SEMA5B: variants seen among roughly 807,000 people sequenced by gnomAD.
SEMA5B encodes semaphorin-5B.
Under a neutral mutation model 135.0 loss-of-function variants are expected in SEMA5B, and 66 were observed. The observed-to-expected ratio is 0.49, with a 90% confidence interval of 0.40 to 0.60. SEMA5B has a LOEUF of 0.60. Ranked by LOEUF, SEMA5B falls within the 20% of genes least tolerant of loss-of-function variation. SEMA5B has a pLI of 0.00. For missense variants in SEMA5B, 1,501 were observed against 1,566.3 expected (o/e 0.96, Z 0.70); for synonymous variants, 690 against 639.5 (o/e 1.08, Z -1.19).
intron 1 of SEMA5B, among the ~76,000 whole-genome samples, chr3:122,969,643 C>T (rs1941027473): frequency 6.6e-6 from 1 of 152,206 alleles, no homozygotes; most frequent in Non-Finnish European, 1.5e-5. Context: ...CTCCAGCCTT[C>T]CTGGCACCCA....
intron 1 of SEMA5B, among the ~76,000 whole-genome samples, chr3:122,965,809 A>G (rs1256313188): frequency 6.6e-6 from 1 of 152,258 alleles, no homozygotes; most frequent in Non-Finnish European, 1.5e-5. Context: ...CATGCTGCTC[A>G]GAGCGCCTCC....
At chr3:122,928,472 C>A in intron 7 of SEMA5B, 45 bp downstream of exon 7, 1 of 1,469,940 alleles carries the variant, frequency 6.8e-7, no homozygotes, top group Non-Finnish European at 9.2e-7. Flanking sequence ...AGGAGAACCC[C>A]CGGCATGGTG....
intron 2 of SEMA5B, chr3:122,958,130 C>T (rs1940415741): frequency 6.6e-6 from 1 of 152,278 alleles, no homozygotes; most frequent in African/African-American, 2.4e-5. Flanking sequence ...ATGACAGCCA[C>T]CTGGCAGCTT....
intron 1 of SEMA5B, among the ~76,000 whole-genome samples, chr3:123,012,427 T>A (rs1387829669): frequency 2.6e-5 from 4 of 152,098 alleles, no homozygotes; most frequent in Non-Finnish European, 4.4e-5. Context: ...TTAAGAAGAT[T>A]TCCCCAGCAG....
intron 1 of SEMA5B, among the ~76,000 whole-genome samples, chr3:122,970,869 C>T (rs1017136525): frequency 2.6e-5 from 4 of 152,230 alleles, no homozygotes; most frequent in Admixed American, 6.5e-5. Flanking sequence ...AGAAACAGGG[C>T]CTCTTTGCAA....
intron 5 of SEMA5B, among the ~76,000 whole-genome samples, chr3:122,931,678 G>A (rs1218583767): frequency 6.6e-6 from 1 of 152,128 alleles, no homozygotes; most frequent in Non-Finnish European, 1.5e-5. Flanking sequence ...CTGTTTGTCT[G>A]TTTAGAGAAT....
intron 2 of SEMA5B, among the ~76,000 whole-genome samples, chr3:122,958,872 C>T (rs1940454349): frequency 6.6e-6 from 1 of 152,160 alleles, no homozygotes; most frequent in Non-Finnish European, 1.5e-5. Flanking sequence ...TTCTCTCTTC[C>T]ATATATTCCT....
At chr3:123,001,803 T>A (rs951401384) in intron 1 of SEMA5B, among the ~76,000 whole-genome samples, 7 of 152,130 alleles carry the variant, frequency 4.6e-5, no homozygotes, top group African/African-American at 1.7e-4. Context: ...GAAGAGGTGA[T>A]GACATTCCTC....
intron 1 of SEMA5B, among the ~76,000 whole-genome samples, chr3:123,024,522 A>C (rs1183898528): frequency 6.6e-6 from 1 of 152,224 alleles, no homozygotes; most frequent in African/African-American, 2.4e-5. Context: ...AGGAGATCTG[A>C]ATCCAGTCTT....
intron 1 of SEMA5B, among the ~76,000 whole-genome samples, chr3:123,019,845 G>GAA (rs1942638204): frequency 1.3e-5 from 2 of 152,236 alleles, no homozygotes; most frequent in Non-Finnish European, 2.9e-5. Flanking sequence ...GAGTTCCTAT[G>GAA]AAGGGAGAGG....
rs1183465210 is a variant in SEMA5B, at chr3:122,915,627, G to C, written c.1807-6C>G. The C allele has an allele frequency of 8.7e-6, 14 of 1,609,570 alleles. No individual in the cohort carries two copies. The highest frequency in any genetic ancestry group is 1.1e-5 in the Non-Finnish European group (13 of 1,176,938). On this transcript the variant is annotated splice_region_variant and splice_polypyrimidine_tract_variant and intron_variant, in intron 13 of 22. Transcript: ENST00000357599. ...TCCCGTGTCACATTCCGCACCTGAA[G>C]ACACACATGGGAGACAGTACCCCTA...
chr3:122,915,701 G>A (rs1426648030), intron 13 of SEMA5B, 72 bp downstream of exon 13: 5 of 1,601,860 alleles, frequency 3.1e-6, no homozygotes, highest in Admixed American at 1.7e-5. Flanking sequence ...GGGATTGGGG[G>A]AATATTGGTG....
chr3:122,917,408 A>G (rs530548081), intron 12 of SEMA5B, among the ~76,000 whole-genome samples: 1 of 152,332 alleles, frequency 6.6e-6, no homozygotes, highest in South Asian at 2.1e-4. Flanking sequence ...GCCTAGGGCT[A>G]AAGAGATACA....
chr3:122,963,390 G>A (rs1269306637), intron 1 of SEMA5B, among the ~76,000 whole-genome samples: 1 of 152,054 alleles, frequency 6.6e-6, no homozygotes, highest in African/African-American at 2.4e-5. Flanking sequence ...CTACTTGGGA[G>A]GCTGAGGCAG....
intron 5 of SEMA5B, among the ~76,000 whole-genome samples, chr3:122,936,711 C>T (rs183611035): frequency 6.6e-6 from 1 of 152,200 alleles, no homozygotes; most frequent in East Asian, 1.9e-4. Flanking sequence ...GCCTCCTTTT[C>T]TTTCCCAGTA....
intron 12 of SEMA5B, among the ~76,000 whole-genome samples, chr3:122,918,674 G>C (rs1249096180): frequency 6.6e-6 from 1 of 152,204 alleles, no homozygotes; most frequent in African/African-American, 2.4e-5. Flanking sequence ...AGAAGAAAGA[G>C]GATACCAGAT....
rs751035154 is a variant in SEMA5B at position 122,923,632 on chromosome 3, G to A, written c.1257C>T (p.Pro419=). 6 of 1,614,150 alleles carry A rather than the reference G, an allele frequency of 3.7e-6. No homozygotes were observed. In the Admixed American group the frequency reaches 5.0e-5, roughly 13 times the overall value. The change falls in exon 10 of 23, where the codon CCC becomes CCT. Residue 419 remains proline (P), a synonymous_variant. Coordinates refer to ENST00000357599, the MANE Select transcript of SEMA5B (RefSeq NM_001031702.4). ...PRAAWLPIAN[P]IPNFQCGTLP... ...GATTCTGTACCTGGAAATTGGGGATGGGGTTGGCTATGGGGAGCCAGGCAG... is the reference window on the plus strand; with the variant it reads ...GATTCTGTACCTGGAAATTGGGGATAGGGTTGGCTATGGGGAGCCAGGCAG...
Position 122,927,878 on chromosome 3 carries a change from G to A in SEMA5B, c.762C>T (p.Asp254=), listed in dbSNP as rs767303099. The A allele has an allele frequency of 6.3e-7, 1 of 1,596,478 alleles. No homozygotes were observed. Among genetic ancestry groups the A allele is most frequent in the East Asian group, 2.3e-5 (1 of 43,528 alleles). The change falls in exon 8 of 23, where the codon GAC becomes GAT. Residue 254 remains aspartate (D), a synonymous_variant. Coordinates refer to ENST00000357599, the MANE Select transcript of SEMA5B (RefSeq NM_001031702.4). ...AGATGGCAGGGTCCCGACCTGAGAAGTCGATGACCGTGGCTGCATAGAGCT... is the reference window on the plus strand; with the variant it reads ...AGATGGCAGGGTCCCGACCTGAGAAATCGATGACCGTGGCTGCATAGAGCT... ...QGELYAATVI[D]FSGRDPAIYR...
At chr3:122,976,310 C>T (rs1343231335) in intron 1 of SEMA5B, among the ~76,000 whole-genome samples, 1 of 152,052 alleles carries the variant, frequency 6.6e-6, no homozygotes, top group Non-Finnish European at 1.5e-5. Flanking sequence ...GCCCAGTAAT[C>T]TGTGTTTTAA....
Sources: gnomAD v4.1 joint callset for allele counts (sites outside exome capture counted in the v4.1 genomes callset) on GRCh38, gnomAD v4.1.1 for gene constraint, MANE v1.5 for transcripts, NCBI Gene and HGNC (gene_info 2026-07-23, HGNC 2026-07-21) for gene names.